The following QTMAN variants were observed in gnomAD, a reference collection of about 807,000 sequenced individuals.
QTMAN encodes the protein queuosine-tRNA mannosyltransferase.
the QTMAN span, among the ~76,000 whole-genome samples, chr2:144,142,542 G>A: frequency 4.0e-5 from 6 of 151,796 alleles, no homozygotes; most frequent in East Asian, 1.9e-4. Flanking sequence ...ACTAAGGCAC[G>A]ATACCTTCGG....
At chr2:144,307,023 T>TGG in the QTMAN span, among the ~76,000 whole-genome samples, 32 of 150,902 alleles carry the variant, frequency 2.1e-4, no homozygotes, top group East Asian at 6.0e-3. Flanking sequence ...TAGCTGGGCG[T>TGG]GGTGGTGCAC....
At chr2:143,991,719 C>T in the QTMAN span, among the ~76,000 whole-genome samples, 7 of 138,746 alleles carry the variant, frequency 5.0e-5, no homozygotes, top group Admixed American at 2.8e-4. Flanking sequence ...CCAGTCGCCC[C>T]GTCCGGGAGG....
At chr2:144,117,820 T>C in the QTMAN span, among the ~76,000 whole-genome samples, 1 of 151,858 alleles carries the variant, frequency 6.6e-6, no homozygotes, top group African/African-American at 2.4e-5. Context: ...CTAAAACCTA[T>C]AGTATACTAA....
chr2:143,981,979 C>T, the QTMAN span, among the ~76,000 whole-genome samples: 1 of 152,124 alleles, frequency 6.6e-6, no homozygotes, highest in African/African-American at 2.4e-5. Flanking sequence ...AACCTTGTTA[C>T]CCCAGTTTTT....
At chr2:144,189,514 C>G in the QTMAN span, among the ~76,000 whole-genome samples, 19 of 152,206 alleles carry the variant, frequency 1.2e-4, no homozygotes, top group Non-Finnish European at 1.5e-4. Context: ...TAAGCAGCAC[C>G]ATACTTCAGC....
the QTMAN span, among the ~76,000 whole-genome samples, chr2:144,179,474 T>G: frequency 6.6e-6 from 1 of 152,176 alleles, no homozygotes; most frequent in Non-Finnish European, 1.5e-5. Flanking sequence ...TAATGTGATT[T>G]AGATATATTT....
the QTMAN span, among the ~76,000 whole-genome samples, chr2:144,131,643 C>T: frequency 6.6e-6 from 1 of 151,876 alleles, no homozygotes; most frequent in Admixed American, 6.6e-5. Context: ...TTCTCTAGAT[C>T]CAATGACCAT....
chr2:144,132,385 C>A, the QTMAN span, among the ~76,000 whole-genome samples: 1 of 151,988 alleles, frequency 6.6e-6, no homozygotes, highest in Non-Finnish European at 1.5e-5. Flanking sequence ...ATGGTATGTT[C>A]CAAATTGTTT....
At chr2:144,186,252 C>A in the QTMAN span, among the ~76,000 whole-genome samples, 1 of 152,134 alleles carries the variant, frequency 6.6e-6, no homozygotes, top group East Asian at 1.9e-4. Context: ...ATGCTACAAT[C>A]TGAAGGTCAG....
the QTMAN span, among the ~76,000 whole-genome samples, chr2:144,160,410 G>A: frequency 6.6e-6 from 1 of 152,054 alleles, no homozygotes; most frequent in Non-Finnish European, 1.5e-5. Flanking sequence ...TCCTTCTAGT[G>A]TTGGTAATTA....
At chr2:144,256,293 A>C in the QTMAN span, among the ~76,000 whole-genome samples, 1 of 152,198 alleles carries the variant, frequency 6.6e-6, no homozygotes, top group Non-Finnish European at 1.5e-5. Flanking sequence ...ATGTCACTTC[A>C]CTTTTACAAT....
the QTMAN span, among the ~76,000 whole-genome samples, chr2:144,089,771 A>C: frequency 6.6e-6 from 1 of 151,880 alleles, no homozygotes; most frequent in African/African-American, 2.4e-5. Flanking sequence ...CTGGGAAGGG[A>C]GAGTGGGGGA....
At chr2:144,167,499 G>C in the QTMAN span, among the ~76,000 whole-genome samples, 5 of 152,214 alleles carry the variant, frequency 3.3e-5, no homozygotes, top group East Asian at 9.7e-4. Context: ...ACATGTCAAG[G>C]GTGGGACCAG....
the QTMAN span, among the ~76,000 whole-genome samples, chr2:144,063,161 C>A: frequency 2.0e-5 from 3 of 152,130 alleles, no homozygotes; most frequent in Non-Finnish European, 2.9e-5. Flanking sequence ...GAAAAACTAA[C>A]CCTGAGAGAA....
chr2:144,152,255 C>T, the QTMAN span, among the ~76,000 whole-genome samples: 1 of 152,184 alleles, frequency 6.6e-6, no homozygotes, highest in Non-Finnish European at 1.5e-5. Flanking sequence ...CACAACCTGC[C>T]ACTGAGCAGT....
chr2:144,137,519 A>G, the QTMAN span, among the ~76,000 whole-genome samples: 1 of 152,018 alleles, frequency 6.6e-6, no homozygotes, highest in Non-Finnish European at 1.5e-5. Context: ...GATGCTGCTA[A>G]TCTGCTGTCA....
chr2:144,174,737 C>T, the QTMAN span, among the ~76,000 whole-genome samples: 1 of 152,176 alleles, frequency 6.6e-6, no homozygotes, highest in Admixed American at 6.6e-5. Flanking sequence ...CTAACACACA[C>T]TCTCTTGCCT....
the QTMAN span, among the ~76,000 whole-genome samples, chr2:144,018,401 A>G: frequency 6.6e-6 from 1 of 152,070 alleles, no homozygotes; most frequent in Non-Finnish European, 1.5e-5. Context: ...TTATATTGCT[A>G]TCTAATTTTT....
At chr2:144,043,855 T>C in the QTMAN span, among the ~76,000 whole-genome samples, 2 of 152,190 alleles carry the variant, frequency 1.3e-5, no homozygotes, top group Non-Finnish European at 2.9e-5. Context: ...TCTGGAATTA[T>C]GCTGCTTCAG....
Sources: allele counts gnomAD v4.1 joint callset (sites outside exome capture counted in the v4.1 genomes callset), GRCh38; gene constraint gnomAD v4.1.1; transcripts MANE v1.5; gene names NCBI Gene and HGNC (gene_info 2026-07-23, HGNC 2026-07-21).